LCOR: variants seen among roughly 807,000 people sequenced by gnomAD.
The protein encoded by LCOR is ligand dependent nuclear receptor corepressor.
In LCOR, 14 loss-of-function variants were observed where a neutral mutation model predicts 64.4. The observed-to-expected ratio is 0.22, with a 90% CI of 0.14 to 0.34. LCOR has a LOEUF of 0.34. Among genes scored for constraint, LCOR ranks in the 10% least tolerant of loss-of-function variants. LCOR has a pLI of 1.00. For missense variants in LCOR, 1,686 were observed against 1,765.3 expected (o/e 0.96, Z 0.80); for synonymous variants, 643 against 642.5 (o/e 1.00, Z -0.01).
At chr10:96,921,043 G>C (rs1456177748) in intron 4 of LCOR, among the ~76,000 whole-genome samples, 1 of 151,852 alleles carries the variant, frequency 6.6e-6, no homozygotes, top group Non-Finnish European at 1.5e-5. Context: ...AGAACTCTTA[G>C]AATCCTAGAA....
At chr10:96,855,916 T>C (rs1340549655) in intron 2 of LCOR, among the ~76,000 whole-genome samples, 1 of 139,722 alleles carries the variant, frequency 7.2e-6, no homozygotes, top group Middle Eastern at 4.9e-3. Flanking sequence ...TAATTTTGTA[T>C]TTGTTTTAGT....
Position 96,982,602 on chromosome 10 carries a change from G to A in LCOR, c.2142G>A (p.Leu714=), listed in dbSNP as rs377568595. 1.5e-5 allele frequency: 24 copies of A among 1,614,036 alleles called. No individual in the cohort carries two copies. The Middle Eastern group carries it at 8.2e-4, about 55-fold the overall frequency. Reference sequence around the variant, plus strand: ...AAAATCAGAGTTCCCCAATGGGCTTGGAGCCCCCCATGAGTCTGGGAAAGG... The same window carrying A: ...AAAATCAGAGTTCCCCAATGGGCTTAGAGCCCCCCATGAGTCTGGGAAAGG... ...CSENQSSPMG[L]EPPMSLGKAE... Residue 714 remains leucine (L), a synonymous_variant, in exon 8 of 8, where the codon TTG becomes TTA. Transcript: ENST00000421806.
chr10:96,967,915 A>C (rs1445540080), intron 7 of LCOR, among the ~76,000 whole-genome samples: 1 of 152,212 alleles, frequency 6.6e-6, no homozygotes, highest in East Asian at 1.9e-4. Context: ...CATCAGATAC[A>C]ATCAGTCTTA....
intron 4 of LCOR, among the ~76,000 whole-genome samples, chr10:96,909,676 A>G (rs970568546): frequency 1.3e-5 from 2 of 152,158 alleles, no homozygotes; most frequent in African/African-American, 4.8e-5. Flanking sequence ...GTGCTTTTTC[A>G]TGTTCTTCTT....
At chr10:96,958,239 TAAA>T (rs1847816793) in intron 7 of LCOR, 1 of 1,330,052 alleles carries the variant, frequency 7.5e-7, no homozygotes, top group East Asian at 2.7e-5. Context: ...AAAGGCCCAT[TAAA>T]AATCTGGCCC....
intron 4 of LCOR, among the ~76,000 whole-genome samples, chr10:96,909,328 A>G (rs1008446170): frequency 2.6e-5 from 4 of 152,162 alleles, no homozygotes; most frequent in Non-Finnish European, 5.9e-5. Context: ...CTTGTCTTCT[A>G]TACAGTTTTC....
In LCOR at chr10:96,984,960, C is replaced by T. The variant is rs369686918; in HGVS notation, c.4500C>T (p.Ala1500=). 41 of 1,614,014 alleles carry T rather than the reference C, an allele frequency of 2.5e-5. No homozygotes were observed. Among genetic ancestry groups the T allele is most frequent in the East Asian group, 1.3e-4 (6 of 44,892 alleles). Residue 1500 remains alanine (A), a synonymous_variant, in exon 8 of 8, where the codon GCC becomes GCT. Coordinates refer to ENST00000421806, the MANE Select transcript of LCOR (RefSeq NM_001346516.2). The part of the protein sequence containing the change: ...TLTKPAKQKG[A]GESSSRPQKA... ...CGAAACCTGCAAAACAGAAGGGGGCCGGTGAATCCTCTTCAAGGCCTCAGA... is the reference window on the plus strand; with the variant it reads ...CGAAACCTGCAAAACAGAAGGGGGCTGGTGAATCCTCTTCAAGGCCTCAGA...
chr10:96,920,721 T>A, intron 4 of LCOR, among the ~76,000 whole-genome samples: 1 of 133,348 alleles, frequency 7.5e-6, no homozygotes, highest in East Asian at 2.3e-4. Flanking sequence ...TATATATGTA[T>A]ATATGTTCAT....
rs191263037 is a variant in LCOR, at chr10:96,943,569, T to G, written c.-183-544T>G. On this transcript the variant is annotated intron_variant, in intron 4 of 7. Coordinates refer to ENST00000421806, the MANE Select transcript of LCOR (RefSeq NM_001346516.2). The stretch of plus-strand genomic sequence containing the variant: ...CCCATTAAAGGTTTGAGAACCACAG[T>G]TTTAAAAATAGTAATCTAGAGACAG... 2.4e-3 allele frequency among the ~76,000 whole-genome samples: 359 copies of G among 152,300 alleles called. 3 individuals carry two copies. Among genetic ancestry groups the G allele is most frequent in the Admixed American group, 0.02 (308 of 15,296 alleles).
At chr10:96,832,462 A>G in intron 1 of LCOR, 63 bp downstream of exon 1, 1 of 635,212 alleles carries the variant, frequency 1.6e-6, no homozygotes, top group Non-Finnish European at 2.0e-6. Flanking sequence ...GCCCCAGACC[A>G]GGGAGGAAGC....
intron 2 of LCOR, among the ~76,000 whole-genome samples, chr10:96,839,102 T>G (rs1845494786): frequency 6.6e-6 from 1 of 152,242 alleles, no homozygotes; most frequent in African/African-American, 2.4e-5. Context: ...TGGTTTTGAT[T>G]TGCATTTTCC....
intron 2 of LCOR, among the ~76,000 whole-genome samples, chr10:96,879,341 CA>C (rs1409179190): frequency 1.3e-5 from 2 of 152,132 alleles, no homozygotes; most frequent in Admixed American, 6.6e-5. Context: ...CATTCTAAAT[CA>C]CTGTGCAGTG....
intron 4 of LCOR, among the ~76,000 whole-genome samples, chr10:96,941,231 C>CA (rs1847463892): frequency 7.8e-6 from 1 of 128,372 alleles, no homozygotes. Flanking sequence ...GCTGGCCGGG[C>CA]GGGGGGCTGA....
chr10:96,856,695 T>C (rs779039032), intron 2 of LCOR, among the ~76,000 whole-genome samples: 2 of 151,724 alleles, frequency 1.3e-5, no homozygotes, highest in Non-Finnish European at 2.9e-5. Context: ...CTGGCTGGTC[T>C]CTAACTCCTG....
chr10:96,832,455 C>T, intron 1 of LCOR, 56 bp downstream of exon 1: 1 of 715,686 alleles, frequency 1.4e-6, no homozygotes, highest in Non-Finnish European at 1.7e-6. Context: ...GCCGGTCGCC[C>T]CAGACCAGGG....
At chr10:96,918,157 G>T (rs1020063211) in intron 4 of LCOR, among the ~76,000 whole-genome samples, 6 of 152,200 alleles carry the variant, frequency 3.9e-5, no homozygotes, top group Non-Finnish European at 7.3e-5. Flanking sequence ...ATTTTAGGAA[G>T]TAAGAATCAG....
chr10:96,855,765 G>A (rs1311646521), intron 2 of LCOR, among the ~76,000 whole-genome samples: 2 of 149,462 alleles, frequency 1.3e-5, no homozygotes, highest in African/African-American at 2.5e-5. Flanking sequence ...GTTTTGAGAC[G>A]GAGTCTCACT....
intron 7 of LCOR, among the ~76,000 whole-genome samples, chr10:96,971,391 T>G (rs1847997714): frequency 6.6e-6 from 1 of 152,240 alleles, no homozygotes; most frequent in African/African-American, 2.4e-5. Flanking sequence ...ACTGACTTAA[T>G]GCCTGCCATG....
At chr10:96,928,755 A>G (rs1015783739) in intron 4 of LCOR, among the ~76,000 whole-genome samples, 13 of 152,220 alleles carry the variant, frequency 8.5e-5, no homozygotes, top group African/African-American at 2.9e-4. Context: ...TATGGCAGCT[A>G]TAACCTTGCG....
Sources: allele counts gnomAD v4.1 joint callset (sites outside exome capture counted in the v4.1 genomes callset), GRCh38; gene constraint gnomAD v4.1.1; transcripts MANE v1.5; gene names NCBI Gene and HGNC (gene_info 2026-07-23, HGNC 2026-07-21).